EQTN: variants seen among roughly 807,000 people sequenced by gnomAD.
EQTN encodes Acrosome formation associated factor.
EQTN carries 29 observed loss-of-function variants against 26.9 expected under a neutral mutation model. The observed-to-expected ratio is 1.08, with a 90% CI of 0.80 to 1.47. The LOEUF is 1.47. EQTN is among the 40% of genes most tolerant of loss of function. The pLI is 0.00. For synonymous variants in EQTN, 129 were observed against 120.0 expected (o/e 1.07, Z -0.49); for missense variants, 391 against 346.1 (o/e 1.13, Z -1.03).
intron 5 of EQTN, among the ~76,000 whole-genome samples, chr9:27,290,235 T>A (rs1820205621): frequency 6.6e-6 from 1 of 152,072 alleles, no homozygotes; most frequent in South Asian, 2.1e-4. Flanking sequence ...GCAAAAAACG[T>A]GGCATTAAGT....
chr9:27,295,407 G>A (rs1326975139), intron 2 of EQTN, among the ~76,000 whole-genome samples: 3 of 152,130 alleles, frequency 2.0e-5, no homozygotes, highest in South Asian at 2.1e-4. Context: ...TTAGAGTTTG[G>A]TTAATTAAAT....
intron 6 of EQTN, among the ~76,000 whole-genome samples, chr9:27,288,016 G>T (rs1820156495): frequency 6.6e-6 from 1 of 152,104 alleles, no homozygotes; most frequent in South Asian, 2.1e-4. Flanking sequence ...ATGTTGGCCA[G>T]GCTTGTCTCG....
In EQTN at chr9:27,286,370, G is replaced by A; in HGVS notation, c.482-8C>T. 1.3e-6 allele frequency: 2 copies of A among 1,579,120 alleles called. No individual in the cohort carries two copies. The highest frequency in any genetic ancestry group is 1.7e-6 in the Non-Finnish European group (2 of 1,160,952). Reference sequence around the variant, plus strand: ...TAGCATTCACATCAGACTCTGAAAAGAAAGAGAATGCAGTGGAAAATAGGG... The same window carrying A: ...TAGCATTCACATCAGACTCTGAAAAAAAAGAGAATGCAGTGGAAAATAGGG... On this transcript the variant is annotated splice_region_variant and splice_polypyrimidine_tract_variant and intron_variant, in intron 6 of 7. Coordinates refer to ENST00000380032, the MANE Select transcript of EQTN (RefSeq NM_020641.3).
chr9:27,285,079 TGTTA>T (rs1307640027), intron 7 of EQTN, 107 bp from the exon 8 acceptor site: 34 of 819,942 alleles, frequency 4.1e-5, no homozygotes, highest in East Asian at 1.6e-4. Context: ...TTGCCCAAAG[TGTTA>T]GTTACTTAGT....
chr9:27,292,545 A>G, intron 3 of EQTN, 58 bp from the exon 4 acceptor site: 1 of 1,013,382 alleles, frequency 9.9e-7, no homozygotes, highest in Non-Finnish European at 1.5e-6. Context: ...ACATCTGAGA[A>G]TAGATATTTT....
chr9:27,292,487 T>C lies in EQTN; in HGVS notation c.290A>G (p.Asp97Gly). 1 of 1,591,042 alleles carries C rather than the reference T, an allele frequency of 6.3e-7. No homozygotes were observed. The highest frequency in any genetic ancestry group is 8.6e-7 in the Non-Finnish European group (1 of 1,165,976). Residue 97 changes from aspartate (D) to glycine (G), a missense_variant and splice_region_variant, in exon 4 of 8, where the codon GAT (aspartate) becomes GGT (glycine). Transcript: ENST00000380032. ...TTDLNFALKN[D>G]KTVNATTYEK... ...ATATGTAGTTGCATTGACAGTTTTA[T>C]CTAGGAAAAGGGAAAAAGAATTATC...
rs781656844 is a variant in EQTN, at chr9:27,286,217, C to A, written c.627G>T (p.Arg209Ser). Residue 209 changes from arginine (R) to serine (S), a missense_variant, in exon 7 of 8, where the codon AGG becomes AGT. Transcript: ENST00000380032. ...AFCSATLYKLRHLSYKSCESQ... is the reference protein window; with the variant it reads ...AFCSATLYKLSHLSYKSCESQ... Reference sequence around the variant, plus strand: ...GAGGTCTGCAGACTTACCTCAGATGCCTCAGTTTGTACAGTGTAGCACTAC... The same window carrying A: ...GAGGTCTGCAGACTTACCTCAGATGACTCAGTTTGTACAGTGTAGCACTAC... 1 of 1,613,672 alleles carries A rather than the reference C, an allele frequency of 6.2e-7. No homozygotes were observed. Among genetic ancestry groups the A allele is most frequent in the Non-Finnish European group, 8.5e-7 (1 of 1,179,786 alleles).
intron 6 of EQTN, among the ~76,000 whole-genome samples, chr9:27,287,086 T>G (rs1294993864): frequency 6.6e-6 from 1 of 152,168 alleles, no homozygotes; most frequent in Non-Finnish European, 1.5e-5. Context: ...TGAATATATA[T>G]CTGACTTAAT....
At chr9:27,296,069 G>A (rs1820336353) in intron 2 of EQTN, among the ~76,000 whole-genome samples, 1 of 152,104 alleles carries the variant, frequency 6.6e-6, no homozygotes, top group African/African-American at 2.4e-5. Flanking sequence ...GGGAGGGTGA[G>A]ATGGGTGAAT....
chr9:27,291,780 T>A (rs1057238895), intron 4 of EQTN, among the ~76,000 whole-genome samples: 1 of 152,186 alleles, frequency 6.6e-6, no homozygotes, highest in African/African-American at 2.4e-5. Flanking sequence ...AGAAACATAC[T>A]TGGATTGCAT....
intron 2 of EQTN, among the ~76,000 whole-genome samples, chr9:27,296,369 A>G (rs1820343429): frequency 6.6e-6 from 1 of 152,234 alleles, no homozygotes; most frequent in Non-Finnish European, 1.5e-5. Context: ...ATCTTGGCAG[A>G]AAACATTTAT....
chr9:27,291,136 A>T, intron 4 of EQTN, 73 bp from the exon 5 acceptor site: 2 of 1,348,106 alleles, frequency 1.5e-6, no homozygotes, highest in Non-Finnish European at 2.0e-6. Flanking sequence ...TAGTTTGAGG[A>T]ACATTCGTTT....
At chr9:27,287,193 C>T (rs1226234789) in intron 6 of EQTN, among the ~76,000 whole-genome samples, 1 of 152,070 alleles carries the variant, frequency 6.6e-6, no homozygotes, top group East Asian at 1.9e-4. Context: ...TCACTATTTT[C>T]TAGGTAATGA....
chr9:27,292,287 T>C, intron 4 of EQTN, 114 bp downstream of exon 4: 1 of 560,806 alleles, frequency 1.8e-6, no homozygotes, highest in Non-Finnish European at 3.0e-6. Flanking sequence ...GGTAGCAGTA[T>C]AAATTCTTTA....
chr9:27,288,105 T>G lies in EQTN; in HGVS notation c.481+1567A>C, dbSNP rs147674725. On this transcript the variant is annotated intron_variant, in intron 6 of 7. Coordinates refer to ENST00000380032, the MANE Select transcript of EQTN (RefSeq NM_020641.3). ...ACAGTACCCAGACAAATGACTCAAT[T>G]TTCTTGAAGCGCCACAAGGCAAATG... Among the ~76,000 whole-genome samples the G allele has an allele frequency of 1.7e-3, 264 of 152,216 alleles. 4 individuals carry two copies. Among genetic ancestry groups the G allele is most frequent in the Admixed American group, 0.011 (163 of 15,288 alleles).
In EQTN at chr9:27,294,397, A is replaced by C. The variant is rs201027147; in HGVS notation, c.208T>G (p.Phe70Val). 1 of 1,591,400 alleles carries C rather than the reference A, an allele frequency of 6.3e-7. No individual in the cohort carries two copies. Among genetic ancestry groups the C allele is most frequent in the Admixed American group, 1.7e-5 (1 of 59,430 alleles). The change falls in exon 3 of 8, where the codon TTC becomes GTC. Residue 70 changes from phenylalanine to valine, a missense_variant. Coordinates refer to ENST00000380032, the MANE Select transcript of EQTN (RefSeq NM_020641.3). ...GTGCCATTTGGATTTTGTGTTGTGAACACATCTAAAAACAAAAGCGAAAGT... is the reference window on the plus strand; with the variant it reads ...GTGCCATTTGGATTTTGTGTTGTGACCACATCTAAAAACAAAAGCGAAAGT... ...NYYKDIKQYV[F>V]TTQNPNGTES... is the part of the protein sequence containing the mutation.
At chr9:27,294,524 A>T (rs2131310007) in intron 2 of EQTN, 122 bp from the exon 3 acceptor site, 2 of 454,384 alleles carry the variant, frequency 4.4e-6, no homozygotes, top group Non-Finnish European at 7.4e-6. Context: ...AAAAAGTTAT[A>T]GTCATTTTTT....
chr9:27,289,193 A>G (rs1053851029), intron 6 of EQTN, among the ~76,000 whole-genome samples: 1 of 152,274 alleles, frequency 6.6e-6, no homozygotes. Context: ...TGCATTCTAC[A>G]TATTATTCAC....
chr9:27,290,786 T>G (rs554637238), intron 5 of EQTN, among the ~76,000 whole-genome samples: 20 of 152,330 alleles, frequency 1.3e-4, no homozygotes, highest in African/African-American at 4.1e-4. Flanking sequence ...CATAAATAAA[T>G]TGAATAACAT....
Sources: allele counts gnomAD v4.1 joint callset (sites outside exome capture counted in the v4.1 genomes callset), GRCh38; gene constraint gnomAD v4.1.1; transcripts MANE v1.5; gene names NCBI Gene and HGNC (gene_info 2026-07-23, HGNC 2026-07-21).